The following SLC4A4 variants were observed in gnomAD, a reference collection of about 807,000 sequenced individuals.
The protein encoded by SLC4A4 is solute carrier family 4 member 4.
SLC4A4 carries 27 observed loss-of-function variants against 111.5 expected under a neutral mutation model. The ratio of observed to expected loss-of-function variants is 0.24; its 90% CI spans 0.18 to 0.33. The LOEUF (loss-of-function observed/expected upper bound fraction) is 0.33. Among genes scored for constraint, SLC4A4 ranks in the 10% least tolerant of loss-of-function variants. The pLI, the probability that SLC4A4 is intolerant of heterozygous loss-of-function variation, is 1.00. For synonymous variants in SLC4A4, 443 were observed against 463.4 expected, an observed-to-expected ratio of 0.96 and a Z score of 0.57; for missense variants, 909 against 1,315.5, an observed-to-expected ratio of 0.69 and a Z score of 4.78.
intron 4 of SLC4A4, among the ~76,000 whole-genome samples, chr4:71,345,821 C>T (rs370354540): frequency 7.2e-5 from 11 of 152,216 alleles, no homozygotes; most frequent in African/African-American, 2.6e-4. Context: ...ATTTAATCAT[C>T]TATGTAATCA....
chr4:71,082,394 C>G (rs1742018409), intron 1 of SLC4A4, among the ~76,000 whole-genome samples: 1 of 152,020 alleles, frequency 6.6e-6, no homozygotes, highest in Non-Finnish European at 1.5e-5. Context: ...TCTTCCTACT[C>G]TCAACTTAAC....
intron 2 of SLC4A4, among the ~76,000 whole-genome samples, chr4:71,121,878 A>T (rs1378298109): frequency 6.6e-6 from 1 of 152,066 alleles, no homozygotes; most frequent in Non-Finnish European, 1.5e-5. Flanking sequence ...ACTCACAACG[A>T]ATGTCTGCAG....
intron 5 of SLC4A4, among the ~76,000 whole-genome samples, chr4:71,353,143 AT>A (rs953763377): frequency 5.3e-5 from 8 of 152,182 alleles, no homozygotes; most frequent in African/African-American, 1.9e-4. Context: ...TTAGCCAAGC[AT>A]TTTGTGGTTT....
At chr4:71,541,736 G>A (rs763218794) in intron 18 of SLC4A4, among the ~76,000 whole-genome samples, 1 of 151,830 alleles carries the variant, frequency 6.6e-6, no homozygotes, top group Non-Finnish European at 1.5e-5. Context: ...GGAGGTGGGT[G>A]GGGGGAGCTG....
chr4:71,302,147 T>G (rs1006227820), intron 3 of SLC4A4, among the ~76,000 whole-genome samples: 16 of 152,154 alleles, frequency 1.1e-4, no homozygotes, highest in African/African-American at 3.6e-4. Context: ...GCTTTGGAAA[T>G]AGAGATGATT....
chr4:71,456,052 G>T (rs1726237226), intron 12 of SLC4A4, among the ~76,000 whole-genome samples: 1 of 152,162 alleles, frequency 6.6e-6, no homozygotes, highest in Non-Finnish European at 1.5e-5. Context: ...ATGTTAAGTA[G>T]TCCACTAAAA....
At chr4:71,224,765 G>T (rs1718952334) in intron 1 of SLC4A4, among the ~76,000 whole-genome samples, 1 of 152,182 alleles carries the variant, frequency 6.6e-6, no homozygotes, top group Non-Finnish European at 1.5e-5. Flanking sequence ...TATGTATGAA[G>T]AAATATTCTT....
chr4:71,461,851 G>A (rs934971994), intron 12 of SLC4A4, among the ~76,000 whole-genome samples: 3 of 152,216 alleles, frequency 2.0e-5, no homozygotes, highest in South Asian at 4.1e-4. Flanking sequence ...CTTCACTGCT[G>A]TAAAGTAAAG....
In SLC4A4 at chr4:71,350,159, G is replaced by A. The variant is rs546227749; in HGVS notation, c.550+87G>A. Reference sequence around the variant, plus strand: ...TCAAGGCAGATGACTAGTACTGTAAGCAGAGTTAAATGTTTTATAACATTT... The same window carrying A: ...TCAAGGCAGATGACTAGTACTGTAAACAGAGTTAAATGTTTTATAACATTT... On this transcript the variant is annotated intron_variant, in intron 5 of 25. Transcript: ENST00000264485. 16 of 1,307,692 alleles carry A rather than the reference G, an allele frequency of 1.2e-5. No homozygotes were observed. The African/African-American group carries it at 2.2e-4, about 18-fold the overall frequency. 81.0% of individuals were successfully genotyped at this position (1,307,692 alleles called of 1,614,324 possible).
At chr4:71,087,407 A>C (rs1055991430) in intron 1 of SLC4A4, among the ~76,000 whole-genome samples, 3 of 151,856 alleles carry the variant, frequency 2.0e-5, no homozygotes, top group Admixed American at 6.6e-5. Flanking sequence ...TATCTCCTTC[A>C]GTTCTGCTCT....
intron 5 of SLC4A4, among the ~76,000 whole-genome samples, chr4:71,354,498 C>T (rs1328756565): frequency 6.6e-6 from 1 of 152,106 alleles, no homozygotes; most frequent in African/African-American, 2.4e-5. Context: ...CATTGAATAC[C>T]TTTCACATCA....
intron 15 of SLC4A4, 99 bp downstream of exon 15, chr4:71,487,117 T>C: frequency 2.7e-6 from 2 of 751,576 alleles, no homozygotes; most frequent in East Asian, 5.5e-5. Context: ...CACTCAGCAA[T>C]TCTGGCATGA....
intron 2 of SLC4A4, among the ~76,000 whole-genome samples, chr4:71,138,986 A>C (rs1257933375): frequency 6.9e-6 from 1 of 144,612 alleles, no homozygotes; most frequent in African/African-American, 2.5e-5. Context: ...CAGTGAGCAG[A>C]GATCGTGCCA....
intron 6 of SLC4A4, among the ~76,000 whole-genome samples, chr4:71,367,647 C>CT (rs1312060851): frequency 6.6e-6 from 1 of 152,016 alleles, no homozygotes; most frequent in Non-Finnish European, 1.5e-5. Context: ...TTTCATTTTT[C>CT]TTAGTGCAAT....
At chr4:71,264,350 A>G (rs550338806) in intron 3 of SLC4A4, among the ~76,000 whole-genome samples, 3 of 152,326 alleles carry the variant, frequency 2.0e-5, no homozygotes, top group East Asian at 3.9e-4. Context: ...AACACTTTGT[A>G]TCAACATTAT....
chr4:71,419,102 A>AC (rs1219709721), intron 7 of SLC4A4, among the ~76,000 whole-genome samples: 1 of 152,102 alleles, frequency 6.6e-6, no homozygotes, highest in Non-Finnish European at 1.5e-5. Context: ...GTCTGCCCCT[A>AC]CTGGGGGGTG....
At chr4:71,518,829 C>T (rs867546732) in intron 16 of SLC4A4, among the ~76,000 whole-genome samples, 3 of 152,140 alleles carry the variant, frequency 2.0e-5, no homozygotes, top group Admixed American at 6.5e-5. Context: ...GGGGGCAACC[C>T]GGATCAGTCT....
chr4:71,141,946 T>G (rs2148966675), intron 2 of SLC4A4, among the ~76,000 whole-genome samples: 1 of 152,372 alleles, frequency 6.6e-6, no homozygotes, highest in South Asian at 2.1e-4. Context: ...TTTCCCATCT[T>G]TTAATTGAAA....
chr4:71,427,672 T>C (rs1722629692), intron 7 of SLC4A4, among the ~76,000 whole-genome samples: 1 of 151,078 alleles, frequency 6.6e-6, no homozygotes, highest in Non-Finnish European at 1.5e-5. Flanking sequence ...CTAGATGATA[T>C]TATCTTCCTT....
Sources: allele counts gnomAD v4.1 joint callset (sites outside exome capture counted in the v4.1 genomes callset), GRCh38; gene constraint gnomAD v4.1.1; transcripts MANE v1.5; gene names NCBI Gene and HGNC (gene_info 2026-07-23, HGNC 2026-07-21).